The following PPP2R3A variants were observed in gnomAD, a reference collection of about 807,000 sequenced individuals.
The protein encoded by PPP2R3A is serine/threonine-protein phosphatase 2A regulatory subunit B'' subunit alpha.
Under a neutral mutation model 106.9 loss-of-function variants are expected in PPP2R3A, and 80 were observed. The ratio of observed to expected loss-of-function variants is 0.75; its 90% CI spans 0.62 to 0.90. The LOEUF (loss-of-function observed/expected upper bound fraction) is 0.90. PPP2R3A is among the 40% of genes least tolerant of loss of function. The pLI is 0.00. For synonymous variants in PPP2R3A, 483 were observed against 468.3 expected (o/e 1.03, Z -0.41); for missense variants, 1,386 against 1,350.4 (o/e 1.03, Z -0.41).
intron 2 of PPP2R3A, among the ~76,000 whole-genome samples, chr3:136,013,100 C>A (rs1283403959): frequency 2.6e-5 from 4 of 151,952 alleles, no homozygotes; most frequent in Non-Finnish European, 5.9e-5. Flanking sequence ...CCAATTCCAT[C>A]CAGGTTTCTG....
rs2108046401 is a variant in PPP2R3A, at chr3:136,145,889, T to C, written c.*723T>C. On this transcript the variant is annotated 3_prime_UTR_variant, in exon 14 of 14. Transcript: ENST00000264977. Reference sequence around the variant, plus strand: ...ATGAAGTATAGAATTTGACTCATACTTGGAAAAAGCCCTTTTAACTTTTAT... The same window carrying C: ...ATGAAGTATAGAATTTGACTCATACCTGGAAAAAGCCCTTTTAACTTTTAT... 2 of 152,420 alleles carry C rather than the reference T, an allele frequency of 1.3e-5. No homozygotes were observed. The highest frequency in any genetic ancestry group is 4.1e-4 in the South Asian group (2 of 4,830). 9.4% of individuals were successfully genotyped at this position (152,420 alleles called of 1,614,324 possible).
intron 9 of PPP2R3A, 144 bp downstream of exon 9, chr3:136,088,075 G>A: frequency 1.6e-6 from 1 of 621,490 alleles, no homozygotes; most frequent in Non-Finnish European, 2.7e-6. Context: ...CTTAATACAA[G>A]ACAGTAATTC....
intron 10 of PPP2R3A, among the ~76,000 whole-genome samples, chr3:136,099,564 AAAC>A (rs984817194): frequency 6.6e-6 from 1 of 152,120 alleles, no homozygotes; most frequent in Admixed American, 6.6e-5. Context: ...AGAAATAAAA[AAAC>A]AATGTTTAGA....
At chr3:136,115,005 C>G (rs1364377760) in intron 13 of PPP2R3A, among the ~76,000 whole-genome samples, 1 of 152,206 alleles carries the variant, frequency 6.6e-6, no homozygotes, top group Non-Finnish European at 1.5e-5. Context: ...ACAGACACCT[C>G]ATACAGGAGA....
At chr3:136,115,284 A>G (rs1937700552) in intron 13 of PPP2R3A, among the ~76,000 whole-genome samples, 1 of 152,132 alleles carries the variant, frequency 6.6e-6, no homozygotes, top group South Asian at 2.1e-4. Flanking sequence ...ATCCACAAAG[A>G]TGGGGAGAAA....
chr3:136,145,052 T>TTATGAAACAGATGAACCTGCCTCTCCC lies in PPP2R3A; in HGVS notation c.3341_3367dup (p.Tyr1114_Pro1122dup). 6.2e-7 allele frequency: 1 copy of TTATGAAACAGATGAACCTGCCTCTCCC among 1,611,970 alleles called. No individual in the cohort carries two copies. The highest frequency in any genetic ancestry group is 8.5e-7 in the Non-Finnish European group (1 of 1,179,188). On this transcript the variant is annotated inframe_insertion, in exon 14 of 14. Transcript: ENST00000264977. ...TGCTTTGTTATTTCAGCTTTGAAGA[T>TTATGAAACAGATGAACCTGCCTCTCCC]TATGAAACAGATGAACCTGCCTCTC...
intron 13 of PPP2R3A, among the ~76,000 whole-genome samples, chr3:136,128,373 T>G (rs936965048): frequency 6.7e-6 from 1 of 148,674 alleles, no homozygotes; most frequent in Non-Finnish European, 1.5e-5. Flanking sequence ...TGCATCATAG[T>G]CTCTGATAAA....
intron 5 of PPP2R3A, among the ~76,000 whole-genome samples, chr3:136,052,875 A>T (rs908968421): frequency 2.6e-5 from 4 of 152,214 alleles, no homozygotes; most frequent in Non-Finnish European, 5.9e-5. Flanking sequence ...TGTAGAAATT[A>T]AAAAGGAATA....
At chr3:135,973,000 C>A (rs1937290574) in intron 1 of PPP2R3A, among the ~76,000 whole-genome samples, 1 of 152,162 alleles carries the variant, frequency 6.6e-6, no homozygotes, top group South Asian at 2.1e-4. Flanking sequence ...TTATATCTGA[C>A]AATCTATCAC....
intron 2 of PPP2R3A, among the ~76,000 whole-genome samples, chr3:136,017,146 CA>C (rs1934306369): frequency 6.6e-6 from 1 of 152,196 alleles, no homozygotes. Context: ...GATATGACCC[CA>C]ATCCCTTCTA....
chr3:136,092,190 C>A (rs576904148), intron 10 of PPP2R3A, among the ~76,000 whole-genome samples: 2 of 152,130 alleles, frequency 1.3e-5, no homozygotes, highest in East Asian at 3.9e-4. Flanking sequence ...ATTAGCCAGG[C>A]GTGGTGATAC....
At chr3:136,137,148 A>G (rs1347700384) in intron 13 of PPP2R3A, among the ~76,000 whole-genome samples, 2 of 152,196 alleles carry the variant, frequency 1.3e-5, no homozygotes. Flanking sequence ...GGAGTACATT[A>G]AAAACACCAC....
intron 1 of PPP2R3A, among the ~76,000 whole-genome samples, chr3:135,989,388 C>T (rs1322184729): frequency 6.6e-6 from 1 of 152,168 alleles, no homozygotes; most frequent in Admixed American, 6.5e-5. Flanking sequence ...TGGTTTTTCC[C>T]TGGCAGTCCA....
chr3:136,134,514 G>A (rs1938532851), intron 13 of PPP2R3A, among the ~76,000 whole-genome samples: 1 of 152,100 alleles, frequency 6.6e-6, no homozygotes, highest in African/African-American at 2.4e-5. Context: ...CTATTGAAAT[G>A]TACTTGAAAA....
At chr3:136,077,166 G>A (rs558084858) in intron 6 of PPP2R3A, among the ~76,000 whole-genome samples, 35 of 152,212 alleles carry the variant, frequency 2.3e-4, no homozygotes, top group African/African-American at 7.7e-4. Flanking sequence ...TGGCACTTGA[G>A]CTCAATTCTG....
chr3:136,009,294 G>T (rs2107798837), intron 2 of PPP2R3A, among the ~76,000 whole-genome samples: 1 of 152,098 alleles, frequency 6.6e-6, no homozygotes, highest in East Asian at 1.9e-4. Context: ...TCTCCTGGCT[G>T]CCTCCCTGAA....
intron 2 of PPP2R3A, among the ~76,000 whole-genome samples, chr3:136,021,856 A>G (rs1411156355): frequency 6.6e-6 from 1 of 151,940 alleles, no homozygotes; most frequent in African/African-American, 2.4e-5. Context: ...ACAGCTATTT[A>G]CATAATACTT....
At chr3:136,142,460 C>CT (rs1938917041) in intron 13 of PPP2R3A, among the ~76,000 whole-genome samples, 1 of 152,140 alleles carries the variant, frequency 6.6e-6, no homozygotes, top group African/African-American at 2.4e-5. Flanking sequence ...AATGAACTTC[C>CT]TTTTGCAAAT....
intron 2 of PPP2R3A, among the ~76,000 whole-genome samples, chr3:136,008,975 C>A (rs887572925): frequency 1.3e-5 from 2 of 152,080 alleles, no homozygotes; most frequent in East Asian, 3.9e-4. Context: ...CCCCCCATCC[C>A]CCACCCCACT....
Sources: allele counts gnomAD v4.1 joint callset (sites outside exome capture counted in the v4.1 genomes callset), GRCh38; gene constraint gnomAD v4.1.1; transcripts MANE v1.5; gene names NCBI Gene and HGNC (gene_info 2026-07-23, HGNC 2026-07-21).